RANBP2: variants seen among roughly 807,000 people sequenced by gnomAD.
RANBP2 encodes the protein RAN binding protein 2.
In RANBP2, 57 loss-of-function variants were observed where a neutral mutation model predicts 303.6. The ratio of observed to expected loss-of-function variants is 0.19; its 90% CI spans 0.15 to 0.23. RANBP2 has a LOEUF of 0.23. Among genes scored for constraint, RANBP2 ranks in the 10% least tolerant of loss-of-function variants. RANBP2 has a pLI of 1.00. For missense variants in RANBP2, 3,138 were observed against 3,780.8 expected (o/e 0.83, Z 4.46); for synonymous variants, 1,167 against 1,301.5 (o/e 0.90, Z 2.23).
intron 25 of RANBP2, among the ~76,000 whole-genome samples, chr2:108,778,411 A>T (rs1678026301): frequency 6.6e-6 from 1 of 152,182 alleles, no homozygotes; most frequent in Non-Finnish European, 1.5e-5. Flanking sequence ...TTTTGTTTGT[A>T]TCCACAGGTT....
the RANBP2 span, chr2:109,130,062 C>T: frequency 8.8e-6 from 12 of 1,367,108 alleles, no homozygotes; most frequent in South Asian, 1.7e-5. Flanking sequence ...CGGGCAGCAC[C>T]GCCGGCAGTC....
intron 4 of RANBP2, among the ~76,000 whole-genome samples, chr2:108,733,257 CTTTTTTTTTTTT>C (rs34665362): frequency 3.5e-5 from 3 of 85,004 alleles, no homozygotes; most frequent in African/African-American, 6.2e-5. Context: ...TAACCATTCC[CTTTTTTTTTTTT>C]TTTTTTTTTT....
At chr2:109,461,272 G>C in the RANBP2 span, among the ~76,000 whole-genome samples, 2 of 152,234 alleles carry the variant, frequency 1.3e-5, no homozygotes, top group Admixed American at 1.3e-4. Context: ...GTGGCTCATG[G>C]TCAAGCATTT....
chr2:109,683,627 T>A, the RANBP2 span, among the ~76,000 whole-genome samples: 1 of 152,186 alleles, frequency 6.6e-6, no homozygotes, highest in East Asian at 1.9e-4. Context: ...TGGCCGGCCG[T>A]ACTGCTCCAC....
chr2:109,027,681 TGAC>T, the RANBP2 span, among the ~76,000 whole-genome samples: 35 of 148,206 alleles, frequency 2.4e-4, no homozygotes, highest in African/African-American at 8.8e-4. Context: ...AGCGTCGTTA[TGAC>T]TATGGGGACT....
the RANBP2 span, among the ~76,000 whole-genome samples, chr2:108,823,289 G>T: frequency 6.6e-6 from 1 of 152,170 alleles, no homozygotes; most frequent in African/African-American, 2.4e-5. Flanking sequence ...CACTTACTCT[G>T]TGGGGCCTAC....
At chr2:109,585,860 A>T in the RANBP2 span, 1 of 1,586,706 alleles carries the variant, frequency 6.3e-7, no homozygotes, top group African/African-American at 1.3e-5. Flanking sequence ...TAAAAACAAA[A>T]ACAACAGCAA....
the RANBP2 span, among the ~76,000 whole-genome samples, chr2:109,563,459 G>C: frequency 6.6e-6 from 1 of 152,180 alleles, no homozygotes; most frequent in African/African-American, 2.4e-5. Flanking sequence ...AGTCTCATAA[G>C]AGAGTTTAAA....
the RANBP2 span, among the ~76,000 whole-genome samples, chr2:109,523,510 G>A: frequency 6.6e-6 from 1 of 152,298 alleles, no homozygotes; most frequent in Middle Eastern, 3.4e-3. Context: ...TGATACACAC[G>A]CTGTTCCATT....
chr2:108,747,167 C>T (rs182088716), intron 8 of RANBP2, among the ~76,000 whole-genome samples: 4 of 152,240 alleles, frequency 2.6e-5, no homozygotes, highest in South Asian at 2.1e-4. Flanking sequence ...GAAGAAGATA[C>T]GGATCTGTCT....
the RANBP2 span, chr2:108,856,831 G>C: frequency 6.2e-7 from 1 of 1,612,806 alleles, no homozygotes; most frequent in Non-Finnish European, 8.5e-7. Flanking sequence ...CTCTTTGTTT[G>C]GACTTGAAGA....
chr2:109,614,459 G>T, the RANBP2 span: 1 of 1,210,838 alleles, frequency 8.3e-7, no homozygotes, highest in Non-Finnish European at 1.0e-6. Flanking sequence ...GCGCTGAGCC[G>T]CCCGCTGGCG....
At chr2:109,477,773 G>A in the RANBP2 span, among the ~76,000 whole-genome samples, 117 of 152,244 alleles carry the variant, frequency 7.7e-4, no homozygotes, top group African/African-American at 2.4e-3. Context: ...CCTTCTCACC[G>A]TGTCCTCACG....
At chr2:109,169,233 C>T in the RANBP2 span, among the ~76,000 whole-genome samples, 1 of 152,308 alleles carries the variant, frequency 6.6e-6, no homozygotes, top group East Asian at 1.9e-4. Context: ...GCTGGTTTGT[C>T]TCTAAGCATT....
chr2:109,153,636 A>G, the RANBP2 span, among the ~76,000 whole-genome samples: 39 of 152,194 alleles, frequency 2.6e-4, no homozygotes, highest in African/African-American at 9.4e-4. Context: ...GTGGCATAGT[A>G]AAACATGAGA....
chr2:108,764,563 C>A lies in RANBP2; in HGVS notation c.4024C>A (p.Leu1342Met), dbSNP rs1435301756. The A allele has an allele frequency of 6.2e-7, 1 of 1,613,750 alleles. No homozygotes were observed. The highest frequency in any genetic ancestry group is 8.5e-7 in the Non-Finnish European group (1 of 1,179,950). Residue 1342 changes from leucine to methionine, a missense_variant, in exon 20 of 29, where the codon CTG (leucine) becomes ATG (methionine). Leu to Met is a conservative substitution (Grantham distance 15, BLOSUM62 2). Transcript: ENST00000283195. ...TATTTGCAAATCTGATGCTGGAAAC[C>A]TGAATTTTGAATTTCAGGTTGCAAA... ...KDICKSDAGN[L>M]NFEFQVAKKE... is the part of the protein sequence containing the mutation.
intron 23 of RANBP2, 130 bp from the exon 24 acceptor site, chr2:108,775,602 T>G (rs889334769): frequency 8.8e-5 from 76 of 864,566 alleles, no homozygotes; most frequent in Non-Finnish European, 1.2e-4. Context: ...TGAGGAGAGA[T>G]AGGGTGAAGT....
chr2:109,099,030 G>A, the RANBP2 span, among the ~76,000 whole-genome samples: 1 of 152,188 alleles, frequency 6.6e-6, no homozygotes, highest in Non-Finnish European at 1.5e-5. Context: ...CCACGCAGTA[G>A]GTTTGGAAGC....
chr2:109,616,261 C>T, the RANBP2 span: 13 of 836,374 alleles, frequency 1.6e-5, no homozygotes, highest in African/African-American at 2.3e-4. Context: ...ATTCATCATA[C>T]CTTGACCTGT....
Sources: gnomAD v4.1 joint callset for allele counts (sites outside exome capture counted in the v4.1 genomes callset) on GRCh38, gnomAD v4.1.1 for gene constraint, MANE v1.5 for transcripts, NCBI Gene and HGNC (gene_info 2026-07-23, HGNC 2026-07-21) for gene names.